The following ADGRG3 variants were observed in gnomAD, a reference collection of about 807,000 sequenced individuals.
The protein encoded by ADGRG3 is G protein-coupled receptor 97.
In ADGRG3, 39 loss-of-function variants were observed where a neutral mutation model predicts 54.3. The observed-to-expected ratio is 0.72, with a 90% CI of 0.56 to 0.94. The LOEUF is 0.94. Ranked by LOEUF, ADGRG3 falls within the 40% of genes least tolerant of loss-of-function variation. ADGRG3 has a pLI of 0.00. For missense variants in ADGRG3, 654 were observed against 694.6 expected (o/e 0.94, Z 0.66); for synonymous variants, 312 against 290.0 (o/e 1.08, Z -0.77).
In ADGRG3 at chr16:57,683,913, CT is replaced by C; in HGVS notation, c.882-18del. On this transcript the variant is annotated intron_variant, in intron 8 of 11. Transcript: ENST00000333493. ...CATGGGAGCTGTGGCCCCTTGGGGC[CT>C]CTTATTTCTCACCCCAGGCTTTCCC... The C allele has an allele frequency of 6.6e-7, 1 of 1,523,738 alleles. No individual in the cohort carries two copies. The highest frequency in any genetic ancestry group is 8.8e-7 in the Non-Finnish European group (1 of 1,136,652). 94.4% of individuals were successfully genotyped at this position (1,523,738 alleles called of 1,614,324 possible).
chr16:57,678,057 C>A, intron 3 of ADGRG3, 113 bp from the exon 4 acceptor site: 2 of 1,309,872 alleles, frequency 1.5e-6, no homozygotes, highest in South Asian at 2.6e-5. Flanking sequence ...AGCTGACAGT[C>A]CCCAGGTGCT....
chr16:57,686,750 A>G (rs910923423), intron 11 of ADGRG3: 3 of 152,202 alleles, frequency 2.0e-5, no homozygotes, highest in Non-Finnish European at 4.4e-5. Flanking sequence ...CTCTGGTCCA[A>G]TCAGCTGCGA....
chr16:57,683,789 C>A, intron 8 of ADGRG3, 143 bp from the exon 9 acceptor site: 1 of 593,356 alleles, frequency 1.7e-6, no homozygotes. Flanking sequence ...TGGCTGCCGG[C>A]AGGGATGGAA....
At chr16:57,680,204 C>T in intron 6 of ADGRG3, 61 bp from the exon 7 acceptor site, 1 of 895,894 alleles carries the variant, frequency 1.1e-6, no homozygotes, top group South Asian at 1.4e-5. Context: ...CCTCCTCTCC[C>T]CTCCCTTGCC....
chr16:57,684,607 G>C, intron 10 of ADGRG3, 124 bp downstream of exon 10: 1 of 654,122 alleles, frequency 1.5e-6, no homozygotes, highest in Non-Finnish European at 2.7e-6. Context: ...AAGACCAGAA[G>C]AATCCTCAGA....
rs758308992 is a variant in ADGRG3, at chr16:57,688,325, C to G, written c.1541-27C>G. The G allele has an allele frequency of 7.6e-6, 11 of 1,456,758 alleles. No homozygotes were observed. The African/African-American group carries it at 1.5e-4, about 20-fold the overall frequency. The allele number at this position is 1,456,758 out of a possible 1,614,324, so 90.2% of individuals were successfully genotyped here. A position where few individuals can be genotyped will look rare whatever the true frequency, so the allele number is the denominator to read the frequency against. On this transcript the variant is annotated intron_variant, in intron 11 of 11. Transcript: ENST00000333493. ...CACTCTCTGCCCACCCCTTTCCAGGCTCACCGAGGCCTCTCCTTCCTAACA... is the reference window on the plus strand; with the variant it reads ...CACTCTCTGCCCACCCCTTTCCAGGGTCACCGAGGCCTCTCCTTCCTAACA...
chr16:57,668,741 C>T (rs1401797791), intron 1 of ADGRG3, among the ~76,000 whole-genome samples: 2 of 152,214 alleles, frequency 1.3e-5, no homozygotes, highest in East Asian at 3.9e-4. Flanking sequence ...CAGGGGTTGG[C>T]CCCGGGCAGG....
chr16:57,668,273 G>A, upstream of ADGRG3: 1 of 1,277,176 alleles, frequency 7.8e-7, no homozygotes, highest in Non-Finnish European at 1.1e-6. Flanking sequence ...GGTGGGGGCA[G>A]GCCAGCTCAG....
intron 8 of ADGRG3, 37 bp downstream of exon 8, chr16:57,680,654 C>T (rs370474082): frequency 5.9e-5 from 84 of 1,430,438 alleles, no homozygotes; most frequent in Non-Finnish European, 7.2e-5. Flanking sequence ...GTCTCCCTCC[C>T]GCCCTCAAGG....
intron 2 of ADGRG3, among the ~76,000 whole-genome samples, chr16:57,675,404 C>T (rs144560476): frequency 0.026 from 4,008 of 152,244 alleles, 143 homozygotes; most frequent in African/African-American, 0.089. Flanking sequence ...GCAAGCGGAT[C>T]GCTTGAGGTC....
chr16:57,678,259 G>T lies in ADGRG3; in HGVS notation c.435G>T (p.Arg145Ser). ...TTTTTCGATCCCTGCCAGGCAACAG[G>T]TCTGTGGTCCGCTTGGCCGTCACCA... Reference protein sequence around the residue: ...KSLFRSLPGNRSVVRLAVTIL... With the variant: ...KSLFRSLPGNSSVVRLAVTIL... The change falls in exon 4 of 12, where the codon AGG (arginine) becomes AGT (serine). Residue 145 changes from arginine (R) to serine (S), a missense_variant. Physicochemically the swap from Arg to Ser is moderately radical, Grantham distance 110 (BLOSUM62 -1). Coordinates refer to ENST00000333493, the MANE Select transcript of ADGRG3 (RefSeq NM_170776.5). 1 of 1,614,212 alleles carries T rather than the reference G, an allele frequency of 6.2e-7. No homozygotes were observed.
chr16:57,685,212 G>A (rs1324191118), intron 10 of ADGRG3, among the ~76,000 whole-genome samples: 1 of 152,174 alleles, frequency 6.6e-6, no homozygotes, highest in Non-Finnish European at 1.5e-5. Flanking sequence ...GAGCTGGAGG[G>A]GTCACAAAGG....
At chr16:57,667,099 G>A (rs941797863), upstream of ADGRG3, among the ~76,000 whole-genome samples, 8 of 152,194 alleles carry the variant, frequency 5.3e-5, no homozygotes, top group Non-Finnish European at 1.2e-4. Flanking sequence ...GCTGCTCCAT[G>A]CTGAATTCCC....
chr16:57,675,020 G>A (rs1200299415), intron 2 of ADGRG3, among the ~76,000 whole-genome samples: 6 of 135,070 alleles, frequency 4.4e-5, no homozygotes, highest in Non-Finnish European at 9.4e-5. Flanking sequence ...AAAAGCAGCA[G>A]CAGCAGCAGC....
At chr16:57,670,105 A>G (rs193092158) in intron 1 of ADGRG3, among the ~76,000 whole-genome samples, 174 of 152,220 alleles carry the variant, frequency 1.1e-3, no homozygotes, top group African/African-American at 4.0e-3. Context: ...GGTGGGGGCA[A>G]ATGCCCACTC....
intron 2 of ADGRG3, 84 bp from the exon 3 acceptor site, chr16:57,676,116 T>G: frequency 1.5e-6 from 2 of 1,318,414 alleles, no homozygotes; most frequent in Non-Finnish European, 2.1e-6. Flanking sequence ...ATAGTTTGGG[T>G]CAGCCCTCTC....
chr16:57,680,431 G>A, intron 7 of ADGRG3, 66 bp downstream of exon 7: 1 of 1,566,356 alleles, frequency 6.4e-7, no homozygotes, highest in Non-Finnish European at 8.8e-7. Flanking sequence ...CTGGGGAGGG[G>A]GCTGCCTGGT....
At chr16:57,678,416 A>G in intron 4 of ADGRG3, 100 bp downstream of exon 4, 1 of 1,214,130 alleles carries the variant, frequency 8.2e-7, no homozygotes, top group Non-Finnish European at 1.2e-6. Context: ...TCCAATGGGG[A>G]CAGAGCAGGC....
At position 57,680,595 on chromosome 16, in the gene ADGRG3, A is replaced by G. The variant is rs1227534411; in HGVS notation, c.859A>G (p.Ile287Val). Residue 287 changes from isoleucine to valine, a missense_variant, in exon 8 of 12, where the codon ATT becomes GTT. Physicochemically the swap from Ile to Val is conservative, Grantham distance 29. Coordinates refer to ENST00000333493, the MANE Select transcript of ADGRG3 (RefSeq NM_170776.5). ...GVSMIFLAFT[I>V]ILYAFLRLSR... is the part of the protein sequence containing the mutation. The stretch of plus-strand genomic sequence containing the variant: ...CTCCATGATCTTCCTGGCCTTCACC[A>G]TTATTCTTTATGCCTTTCTGAGGTG... 15 of 1,612,366 alleles carry G rather than the reference A, an allele frequency of 9.3e-6. No individual in the cohort carries two copies. The highest frequency in any genetic ancestry group is 5.4e-5 in the African/African-American group (4 of 74,746).
Sources: gnomAD v4.1 joint callset for allele counts (sites outside exome capture counted in the v4.1 genomes callset) on GRCh38, gnomAD v4.1.1 for gene constraint, MANE v1.5 for transcripts, NCBI Gene and HGNC (gene_info 2026-07-23, HGNC 2026-07-21) for gene names.